The following REST variants were observed in gnomAD, a reference collection of about 807,000 sequenced individuals.
REST encodes RE1 silencing transcription factor, also known as RE1-silencing transcription factor.
Under a neutral mutation model 30.4 loss-of-function variants are expected in REST, and 1 was observed. The observed-to-expected ratio is 0.03, with a 90% CI of 0.01 to 0.16. The LOEUF (loss-of-function observed/expected upper bound fraction) is 0.16. REST is among the 10% of genes least tolerant of loss of function. The probability of loss-of-function intolerance (pLI) is 1.00; values close to 1 mark genes in which losing one functional copy is unlikely to be tolerated. For missense variants in REST, 1,259 were observed against 1,329.5 expected (o/e 0.95, Z 0.82); for synonymous variants, 504 against 451.1 (o/e 1.12, Z -1.49).
rs1301290541 is a variant in REST, at chr4:56,935,155, C to T, written c.*3003C>T. The T allele has an allele frequency of 5.3e-5, 8 of 152,192 alleles. No homozygotes were observed. 9.4% of individuals were successfully genotyped at this position (152,192 alleles called of 1,614,324 possible). A position where few individuals can be genotyped will look rare whatever the true frequency, so the allele number is the denominator to read the frequency against. On this transcript the variant is annotated 3_prime_UTR_variant, in exon 4 of 4. Transcript: ENST00000309042. ...ACTGTTTTGCGTATGAGTGCTGATACAAATTAAAACCCAAGTAGACCTCAT... is the reference window on the plus strand; with the variant it reads ...ACTGTTTTGCGTATGAGTGCTGATATAAATTAAAACCCAAGTAGACCTCAT...
At chr4:56,922,810 A>G (rs1720515766) in intron 3 of REST, among the ~76,000 whole-genome samples, 2 of 152,112 alleles carry the variant, frequency 1.3e-5, no homozygotes, top group South Asian at 4.1e-4. Context: ...TGTCCTTTGT[A>G]TTGTAAACTG....
At position 56,931,802 on chromosome 4, in the gene REST, C is replaced by A; in HGVS notation, c.2944C>A (p.Arg982Ser). 1 of 1,614,156 alleles carries A rather than the reference C, an allele frequency of 6.2e-7. No homozygotes were observed. Among genetic ancestry groups the A allele is most frequent in the Non-Finnish European group, 8.5e-7 (1 of 1,180,038 alleles). The change falls in exon 4 of 4, where the codon CGT (arginine) becomes AGT (serine). Residue 982 changes from arginine to serine, a missense_variant. This residue lies in a region of REST where 856 missense variants were observed against 772.8 expected (regional missense o/e 1.11). Coordinates refer to ENST00000309042, the MANE Select transcript of REST (RefSeq NM_005612.5). ...PMLPPSAVEE[R>S]EAVSKTALAS... Reference sequence around the variant, plus strand: ...GCTTCCCCCTTCAGCAGTAGAAGAACGTGAAGCAGTGTCCAAAACTGCACT... The same window carrying A: ...GCTTCCCCCTTCAGCAGTAGAAGAAAGTGAAGCAGTGTCCAAAACTGCACT...
At position 56,908,119 on chromosome 4, in the gene REST, C is replaced by T. The variant is rs971145222; in HGVS notation, c.-104C>T. 1.7e-5 allele frequency: 5 copies of T among 293,208 alleles called. No homozygotes were observed. Among genetic ancestry groups the T allele is most frequent in the Non-Finnish European group, 2.5e-5 (4 of 157,360 alleles). The allele number at this position is 293,208 out of a possible 1,614,324, so 18.2% of individuals were successfully genotyped here. Reference sequence around the variant, plus strand: ...CCAGCACCCAACTTTACCACCCTCCCCCACCTCTCCCCCGAAACTCCAGCA... The same window carrying T: ...CCAGCACCCAACTTTACCACCCTCCTCCACCTCTCCCCCGAAACTCCAGCA... On this transcript the variant is annotated 5_prime_UTR_variant, in exon 1 of 4. Coordinates refer to ENST00000309042, the MANE Select transcript of REST (RefSeq NM_005612.5).
At chr4:56,912,083 T>G (rs1719954217) in intron 2 of REST, among the ~76,000 whole-genome samples, 1 of 152,238 alleles carries the variant, frequency 6.6e-6, no homozygotes, top group East Asian at 1.9e-4. Flanking sequence ...GTGATTAACC[T>G]TGCACATGCC....
intron 3 of REST, among the ~76,000 whole-genome samples, chr4:56,920,877 T>G (rs1459638187): frequency 6.6e-6 from 1 of 152,194 alleles, no homozygotes; most frequent in Admixed American, 6.5e-5. Context: ...TTTTTATATT[T>G]TTTTTGGAGA....
intron 3 of REST, among the ~76,000 whole-genome samples, chr4:56,924,257 T>C (rs1458577742): frequency 1.3e-5 from 2 of 152,238 alleles, no homozygotes; most frequent in African/African-American, 2.4e-5. Flanking sequence ...AGAGTCTTTG[T>C]AGAATAAATT....
rs191087639 is a variant in REST at position 56,921,993 on chromosome 4, A to G, written c.982+2123A>G. ...CTTGATAATAAGACTTGATTATGTC[A>G]CAGATTCTGATTTATTTGAACAGCT... On this transcript the variant is annotated intron_variant, in intron 3 of 3. Transcript: ENST00000309042. Among the ~76,000 whole-genome samples the G allele has an allele frequency of 5.3e-5, 8 of 152,264 alleles. No homozygotes were observed. The East Asian group carries it at 9.7e-4, about 18-fold the overall frequency.
At chr4:56,910,575 C>T (rs182321843) in intron 1 of REST, 55 bp from the exon 2 acceptor site, 7 of 1,425,212 alleles carry the variant, frequency 4.9e-6, no homozygotes, top group East Asian at 4.6e-5. Context: ...TGGTTTTAAG[C>T]CAGTAACAGT....
At chr4:56,912,295 T>C (rs1025885623) in intron 2 of REST, among the ~76,000 whole-genome samples, 1 of 151,874 alleles carries the variant, frequency 6.6e-6, no homozygotes, top group Non-Finnish European at 1.5e-5. Context: ...ATGTTTAGGG[T>C]GTTTGAACTG....
At chr4:56,915,041 C>T (rs1720123987) in intron 2 of REST, among the ~76,000 whole-genome samples, 1 of 150,610 alleles carries the variant, frequency 6.6e-6, no homozygotes, top group Non-Finnish European at 1.5e-5. Context: ...TATCCTGCCT[C>T]AGCCTCCTGA....
In REST at chr4:56,930,327, C is replaced by G; in HGVS notation, c.1469C>G (p.Thr490Ser). ...SNNVSVIQVT[T>S]RTRKSVTEVK... is the part of the protein sequence containing the mutation. ...AATGTGTCAGTGATCCAGGTGACTA[C>G]CAGAACTCGAAAATCAGTAACAGAG... Residue 490 changes from threonine (T) to serine (S), a missense_variant, in exon 4 of 4, where the codon ACC becomes AGC. Coordinates refer to ENST00000309042, the MANE Select transcript of REST (RefSeq NM_005612.5). 6.2e-7 allele frequency: 1 copy of G among 1,613,968 alleles called. No individual in the cohort carries two copies. The highest frequency in any genetic ancestry group is 8.5e-7 in the Non-Finnish European group (1 of 1,180,002).
At position 56,933,066 on chromosome 4, in the gene REST, T is replaced by C. The variant is rs1269758786; in HGVS notation, c.*914T>C. ...TTTTGATTTTTACATCTTATATCTA[T>C]GCCAGAATCTGTATTTCATATAACT... On this transcript the variant is annotated 3_prime_UTR_variant, in exon 4 of 4. Coordinates refer to ENST00000309042, the MANE Select transcript of REST (RefSeq NM_005612.5). 2 of 152,228 alleles carry C rather than the reference T, an allele frequency of 1.3e-5. No individual in the cohort carries two copies. The highest frequency in any genetic ancestry group is 3.8e-4 in the East Asian group (2 of 5,202). The allele number at this position is 152,228 out of a possible 1,614,324, so 9.4% of individuals were successfully genotyped here.
At chr4:56,921,665 C>T (rs536092351) in intron 3 of REST, among the ~76,000 whole-genome samples, 2 of 152,308 alleles carry the variant, frequency 1.3e-5, no homozygotes, top group Admixed American at 6.5e-5. Context: ...GCATCTTGGC[C>T]TCCCAAAGTG....
intron 2 of REST, among the ~76,000 whole-genome samples, chr4:56,913,274 C>T (rs543222277): frequency 4.1e-4 from 63 of 152,180 alleles, no homozygotes; most frequent in Non-Finnish European, 8.4e-4. Context: ...GTCCTCCCAT[C>T]TCAACCTCCA....
At chr4:56,913,865 G>C (rs1720046057) in intron 2 of REST, among the ~76,000 whole-genome samples, 1 of 152,116 alleles carries the variant, frequency 6.6e-6, no homozygotes, top group African/African-American at 2.4e-5. Context: ...GGCCAGGCTA[G>C]TCTCGAACTC....
chr4:56,931,085 G>A lies in REST; in HGVS notation c.2227G>A (p.Glu743Lys), dbSNP rs777288773. ...LSPPMEVVQKEPVQIELSPPM... is the reference protein window; with the variant it reads ...LSPPMEVVQKKPVQIELSPPM... ...TCCTCCCATGGAGGTGGTCCAGAAG[G>A]AGCCTGTTCAGATAGAGCTGTCTCC... The change falls in exon 4 of 4, where the codon GAG becomes AAG. Residue 743 changes from glutamate (E) to lysine (K), a missense_variant. Physicochemically the swap from Glu to Lys is moderately conservative, Grantham distance 56. Coordinates refer to ENST00000309042, the MANE Select transcript of REST (RefSeq NM_005612.5). The A allele has an allele frequency of 2.2e-6, 3 of 1,384,964 alleles. No individual in the cohort carries two copies. The South Asian group carries it at 3.4e-5, about 16-fold the overall frequency. The allele number at this position is 1,384,964 out of a possible 1,614,324, so 85.8% of individuals were successfully genotyped here.
intron 3 of REST, chr4:56,922,210 T>G (rs1216891612): frequency 6.6e-6 from 1 of 151,816 alleles, no homozygotes; most frequent in Non-Finnish European, 1.5e-5. Flanking sequence ...ATTTCAGACT[T>G]TGGAGGTAAG....
rs1276626964 is a variant in REST, at chr4:56,934,056, C to T, written c.*1904C>T. ...GAAGCGGAAGATTCTTCTCTTAAGACATGAGGAGTAAGTTGTGTGATAATG... is the reference window on the plus strand; with the variant it reads ...GAAGCGGAAGATTCTTCTCTTAAGATATGAGGAGTAAGTTGTGTGATAATG... On this transcript the variant is annotated 3_prime_UTR_variant, in exon 4 of 4. Transcript: ENST00000309042. 1.3e-5 allele frequency: 2 copies of T among 152,186 alleles called. No homozygotes were observed. Among genetic ancestry groups the T allele is most frequent in the Non-Finnish European group, 2.9e-5 (2 of 68,028 alleles). 9.4% of individuals were successfully genotyped at this position (152,186 alleles called of 1,614,324 possible).
intron 3 of REST, chr4:56,927,712 G>T: frequency 1.0e-6 from 1 of 964,274 alleles, no homozygotes; most frequent in Admixed American, 3.3e-5. Context: ...TAATTTGGGG[G>T]TGGGGGTTCT....
Sources: allele counts gnomAD v4.1 joint callset (sites outside exome capture counted in the v4.1 genomes callset), GRCh38; gene constraint gnomAD v4.1.1; regional missense constraint gnomAD v4.1.1; transcripts MANE v1.5; gene names NCBI Gene and HGNC (gene_info 2026-07-23, HGNC 2026-07-21).